The following CCDC183 variants were observed in gnomAD, a reference collection of about 807,000 sequenced individuals.
The protein encoded by CCDC183 is coiled-coil domain-containing protein 183.
A neutral mutation model predicts 65.2 loss-of-function variants in CCDC183; 63 were observed. That is an observed-to-expected ratio of 0.97 (90% CI 0.79 to 1.19). The LOEUF is 1.19. Among genes scored for constraint, CCDC183 ranks in the 50% most tolerant of loss-of-function variants. The pLI is 0.00. For synonymous variants in CCDC183, 323 were observed against 276.5 expected, an observed-to-expected ratio of 1.17 and a Z score of -1.67; for missense variants, 769 against 689.3, an observed-to-expected ratio of 1.12 and a Z score of -1.30.
intron 2 of CCDC183, 72 bp downstream of exon 2, chr9:136,799,295 C>T: frequency 6.6e-7 from 1 of 1,509,472 alleles, no homozygotes; most frequent in Non-Finnish European, 8.8e-7. Context: ...ACTCGGAGGG[C>T]GGGCACCTCC....
rs1847721342 is a variant in CCDC183, at chr9:136,800,433, GATC to G, written c.488_490del (p.Ile163del). 6.2e-7 allele frequency: 1 copy of G among 1,613,018 alleles called. No homozygotes were observed. The highest frequency in any genetic ancestry group is 8.5e-7 in the Non-Finnish European group (1 of 1,179,604). ...ACAACATCGAGAAGACAATGATCAA[GATC>G]ATCACCAGCCAGAACATCCACCTGC... On this transcript the variant is annotated inframe_deletion, in exon 5 of 14. Coordinates refer to ENST00000338005, the MANE Select transcript of CCDC183 (RefSeq NM_001039374.5).
Position 136,805,286 on chromosome 9 carries a change from G to A in CCDC183, c.848-71G>A. 3 of 1,300,072 alleles carry A rather than the reference G, an allele frequency of 2.3e-6. No homozygotes were observed. The Admixed American group carries it at 6.0e-5, about 26-fold the overall frequency. 80.5% of individuals were successfully genotyped at this position (1,300,072 alleles called of 1,614,324 possible). A position where few individuals can be genotyped will look rare whatever the true frequency, so the allele number is the denominator to read the frequency against. On this transcript the variant is annotated intron_variant, in intron 8 of 13. Coordinates refer to ENST00000338005, the MANE Select transcript of CCDC183 (RefSeq NM_001039374.5). ...CCAGCAGCTGGGCAGGTACAGAGGTGTCTGACAGCCTTACACAGAGCCCCT... is the reference window on the plus strand; with the variant it reads ...CCAGCAGCTGGGCAGGTACAGAGGTATCTGACAGCCTTACACAGAGCCCCT...
rs768780585 is a variant in CCDC183, at chr9:136,807,065, C to T, written c.1485C>T (p.Ile495=). The change falls in exon 13 of 14, where the codon ATC becomes ATT. Residue 495 remains isoleucine, a splice_region_variant and synonymous_variant. Transcript: ENST00000338005. ...ISFENREEDM[I]DTFQFPDMDH... The stretch of plus-strand genomic sequence containing the variant: ...TTGAGAACCGGGAGGAGGATATGAT[C>T]GGTACAGGCCCCGGAACTGGGGCCC... The T allele has an allele frequency of 5.6e-6, 9 of 1,612,630 alleles. No individual in the cohort carries two copies. The highest frequency in any genetic ancestry group is 1.7e-5 in the Admixed American group (1 of 59,998).
Position 136,799,737 on chromosome 9 carries a change from G to C in CCDC183, c.217G>C (p.Ala73Pro). The C allele has an allele frequency of 6.2e-7, 1 of 1,613,212 alleles. No homozygotes were observed. The change falls in exon 3 of 14, where the codon GCC (alanine) becomes CCC (proline). Residue 73 changes from alanine to proline, a missense_variant. Ala to Pro is a conservative substitution (Grantham distance 27, BLOSUM62 -1). Coordinates refer to ENST00000338005, the MANE Select transcript of CCDC183 (RefSeq NM_001039374.5). ...GTATGACCAGTGGACCATCTCCAAG[G>C]CCTGCGGGAAAAACTTGCCTTTGCG... ...KKYDQWTISK[A>P]CGKNLPLRLA...
At chr9:136,800,225 G>A (rs1847716736) in intron 4 of CCDC183, 56 bp downstream of exon 4, 2 of 1,338,822 alleles carry the variant, frequency 1.5e-6, no homozygotes, top group Non-Finnish European at 2.0e-6. Context: ...AGACTCACGG[G>A]AGGGGCGGGG....
chr9:136,805,305 A>G (rs988483598), intron 8 of CCDC183, 52 bp from the exon 9 acceptor site: 1 of 1,464,896 alleles, frequency 6.8e-7, no homozygotes, highest in Non-Finnish European at 9.4e-7. Context: ...CCTTACACAG[A>G]GCCCCTGAGC....
Position 136,804,722 on chromosome 9 carries a change from AAG to A in CCDC183, c.793-39_793-38del, listed in dbSNP as rs754232072. The A allele has an allele frequency of 5.6e-6, 9 of 1,613,210 alleles. No individual in the cohort carries two copies. The Admixed American group carries it at 1.5e-4, about 27-fold the overall frequency. On this transcript the variant is annotated intron_variant, in intron 7 of 13. Transcript: ENST00000338005. This position sits in a 1 kb window ranked among gnomAD's most constrained non-coding sequence, Gnocchi z 4.1. The stretch of plus-strand genomic sequence containing the variant: ...CACCACTCAGGGCCCACTCCCTGCC[AAG>A]GATGTCTCATCCCTTCCCCGCCCCC...
chr9:136,805,327 G>A, intron 8 of CCDC183, 30 bp from the exon 9 acceptor site: 1 of 1,581,450 alleles, frequency 6.3e-7, no homozygotes, highest in South Asian at 1.1e-5. Context: ...ATCCCTGCAT[G>A]CTGACTGCCC....
At position 136,804,351 on chromosome 9, in the gene CCDC183, A is replaced by C; in HGVS notation, c.667-151A>C. 9.3e-7 allele frequency: 1 copy of C among 1,073,178 alleles called. No individual in the cohort carries two copies. Among genetic ancestry groups the C allele is most frequent in the Non-Finnish European group, 1.3e-6 (1 of 764,942 alleles). 66.5% of individuals were successfully genotyped at this position (1,073,178 alleles called of 1,614,324 possible). A position where few individuals can be genotyped will look rare whatever the true frequency, so the allele number is the denominator to read the frequency against. On this transcript the variant is annotated intron_variant, in intron 6 of 13. Coordinates refer to ENST00000338005, the MANE Select transcript of CCDC183 (RefSeq NM_001039374.5). The surrounding 1 kb of genome is among the most constrained non-coding windows in gnomAD (Gnocchi z 4.1). The stretch of plus-strand genomic sequence containing the variant: ...CCGTGAGCTGAGGGGCCACGGGCAC[A>C]AGTGGTTTAGGAAAAGGGTGTGGCC...
In CCDC183 at chr9:136,796,434, A is replaced by C; in HGVS notation, c.37A>C (p.Thr13Pro). ...RHSETDVEEQTQELKTITQLQ... is the reference protein window; with the variant it reads ...RHSETDVEEQPQELKTITQLQ... ...CAGTGAGACAGATGTGGAAGAGCAG[A>C]CCCAGGAGCTGAAGACCATCACTCA... The change falls in exon 1 of 14, where the codon ACC (threonine) becomes CCC (proline). Residue 13 changes from threonine to proline, a missense_variant. Thr to Pro is a conservative substitution (Grantham distance 38, BLOSUM62 -1). Transcript: ENST00000338005. The C allele has an allele frequency of 6.3e-7, 1 of 1,581,544 alleles. No individual in the cohort carries two copies. The highest frequency in any genetic ancestry group is 8.6e-7 in the Non-Finnish European group (1 of 1,163,796).
chr9:136,799,087 T>G lies in CCDC183; in HGVS notation c.71-15T>G. On this transcript the variant is annotated splice_polypyrimidine_tract_variant and intron_variant, in intron 1 of 13. Coordinates refer to ENST00000338005, the MANE Select transcript of CCDC183 (RefSeq NM_001039374.5). ...GCCCAATCCTAGCCACTGTGTCCCC[T>G]CCACCTGCCCACAGAGCAGTGTCGG... 6.2e-7 allele frequency: 1 copy of G among 1,612,508 alleles called. No homozygotes were observed. The highest frequency in any genetic ancestry group is 2.2e-5 in the East Asian group (1 of 44,854).
In CCDC183 at chr9:136,806,811, G is replaced by A. The variant is rs567970505; in HGVS notation, c.1333G>A (p.Glu445Lys). 1.1e-5 allele frequency: 17 copies of A among 1,613,638 alleles called. No homozygotes were observed. The highest frequency in any genetic ancestry group is 1.3e-5 in the Non-Finnish European group (15 of 1,180,028). Residue 445 changes from glutamate to lysine, a missense_variant, in exon 12 of 14, where the codon GAG becomes AAG. Transcript: ENST00000338005. ...TTTGAACAGCAAGCTGGCGTACTGC[G>A]AGGGGAAGCTCACGTACCTGGCTGA... ...LDLNSKLAYC[E>K]GKLTYLADRV... is the part of the protein sequence containing the mutation.
At chr9:136,800,348 C>G (rs375054235) in intron 4 of CCDC183, 41 bp from the exon 5 acceptor site, 240 of 1,552,172 alleles carry the variant, frequency 1.5e-4, no homozygotes, top group Non-Finnish European at 1.9e-4. Flanking sequence ...TCCGGGCGGC[C>G]GGTCCCCACG....
chr9:136,801,130 A>T (rs964290786), intron 5 of CCDC183, among the ~76,000 whole-genome samples: 2 of 152,148 alleles, frequency 1.3e-5, no homozygotes, highest in African/African-American at 4.8e-5. Flanking sequence ...ATGCTTCGGG[A>T]AGGTGACAGC....
chr9:136,802,284 C>G (rs1300724224), intron 5 of CCDC183, among the ~76,000 whole-genome samples: 1 of 152,204 alleles, frequency 6.6e-6, no homozygotes, highest in East Asian at 1.9e-4. Context: ...ACTAGCTGGT[C>G]AGAAGCTGCC....
intron 8 of CCDC183, 98 bp from the exon 9 acceptor site, chr9:136,805,259 C>T (rs973877717): frequency 1.2e-5 from 12 of 996,032 alleles, no homozygotes; most frequent in Admixed American, 2.3e-5. Context: ...TGGGTGGCCG[C>T]CCCAGCAGCT....
chr9:136,799,373 G>A, intron 2 of CCDC183, 150 bp downstream of exon 2: 1 of 1,275,610 alleles, frequency 7.8e-7, no homozygotes, highest in Non-Finnish European at 1.0e-6. Context: ...TAGGACCTGT[G>A]CCCTGGGCTC....
chr9:136,798,987 G>T, intron 1 of CCDC183, 115 bp from the exon 2 acceptor site: 1 of 1,402,644 alleles, frequency 7.1e-7, no homozygotes. Flanking sequence ...CATGGAGGGG[G>T]CATCCCCCTG....
intron 13 of CCDC183, 109 bp from the exon 14 acceptor site, chr9:136,807,463 G>A (rs1000274682): frequency 7.4e-7 from 1 of 1,354,364 alleles, no homozygotes; most frequent in Admixed American, 2.8e-5. Context: ...GGCTGTCCCT[G>A]GGGCAAGGCA....
Sources: gnomAD v4.1 joint callset for allele counts (sites outside exome capture counted in the v4.1 genomes callset) on GRCh38, gnomAD v4.1.1 for gene constraint, Gnocchi (gnomAD v3.1) non-coding constraint, MANE v1.5 for transcripts, NCBI Gene and HGNC (gene_info 2026-07-23, HGNC 2026-07-21) for gene names.